Variants in DYM observed in about 807,000 individuals in gnomAD.
The protein encoded by DYM is dyggve-Melchior-Clausen syndrome protein.
A neutral mutation model predicts 93.1 loss-of-function variants in DYM; 78 were observed. The observed-to-expected ratio is 0.84, with a 90% CI of 0.70 to 1.01. The LOEUF is 1.01. Ranked by LOEUF, DYM falls within the 50% of genes least tolerant of loss-of-function variation. The pLI is 0.00. For missense variants in DYM, 789 were observed against 845.0 expected (o/e 0.93, Z 0.82); for synonymous variants, 321 against 319.7 (o/e 1.00, Z -0.04).
intron 17 of DYM, among the ~76,000 whole-genome samples, chr18:49,079,594 G>T (rs1266354391): frequency 2.6e-5 from 4 of 151,716 alleles, no homozygotes; most frequent in South Asian, 2.1e-4. Context: ...AGATTAGGGA[G>T]TGGTGATGAC....
intron 8 of DYM, among the ~76,000 whole-genome samples, chr18:49,310,341 A>C (rs2061515351): frequency 6.6e-6 from 1 of 152,242 alleles, no homozygotes; most frequent in Non-Finnish European, 1.5e-5. Flanking sequence ...TGAACTTAAA[A>C]GCTGAAGGAA....
rs139698976 is a variant in DYM at position 49,062,171 on chromosome 18, G to A, written c.2026-17967C>T. On this transcript the variant is annotated intron_variant, in intron 17 of 17. Coordinates refer to ENST00000675505, the MANE Select transcript of DYM (RefSeq NM_001353214.3). ...CCTTTATCTTCAAAGGTTAGAAAAC[G>A]GGGAGAGAGAGACTGGGAGAAAGTC... Among the ~76,000 whole-genome samples the A allele has an allele frequency of 7.5e-4, 114 of 152,278 alleles. 2 individuals are homozygous for A. The East Asian group carries it at 0.019, about 26-fold the overall frequency.
chr18:49,162,820 C>G (rs1048325034), intron 15 of DYM, among the ~76,000 whole-genome samples: 2 of 152,162 alleles, frequency 1.3e-5, no homozygotes, highest in Admixed American at 6.6e-5. Flanking sequence ...AAAGGCACTG[C>G]ACTCACAAGG....
intron 17 of DYM, among the ~76,000 whole-genome samples, chr18:49,066,242 T>C (rs1001974659): frequency 2.0e-5 from 3 of 152,128 alleles, no homozygotes; most frequent in Non-Finnish European, 4.4e-5. Flanking sequence ...TCCCTGGCCA[T>C]CACCACCCTG....
intron 13 of DYM, among the ~76,000 whole-genome samples, chr18:49,229,150 A>ATAAT (rs10673119): frequency 1 from 151,246 of 151,984 alleles, 75,261 homozygotes; most frequent in Middle Eastern, 1. Context: ...TATTAACCTA[A>ATAAT]TAATCTAATA....
chr18:49,163,981 A>G (rs1047342887), intron 14 of DYM, among the ~76,000 whole-genome samples, 194 bp from the exon 15 acceptor site: 3 of 152,200 alleles, frequency 2.0e-5, no homozygotes, highest in Non-Finnish European at 4.4e-5. Context: ...AGGATGTTTA[A>G]ATCATAAGAA....
intron 8 of DYM, among the ~76,000 whole-genome samples, chr18:49,331,164 G>C (rs1048417634): frequency 2.0e-5 from 3 of 152,172 alleles, no homozygotes; most frequent in Admixed American, 6.5e-5. Context: ...GGAGGAGTAA[G>C]GAACTCCCAG....
intron 14 of DYM, among the ~76,000 whole-genome samples, chr18:49,198,820 C>T (rs911937029): frequency 4.6e-5 from 7 of 151,872 alleles, no homozygotes; most frequent in East Asian, 1.9e-4. Context: ...GTCGGTGTGG[C>T]GATTCCTCAG....
chr18:49,099,301 A>T (rs2079884310), intron 16 of DYM, among the ~76,000 whole-genome samples: 1 of 152,134 alleles, frequency 6.6e-6, no homozygotes, highest in South Asian at 2.1e-4. Flanking sequence ...AGTAGTTCTC[A>T]AGCATGGCTG....
intron 8 of DYM, among the ~76,000 whole-genome samples, chr18:49,317,676 CCTTCCTTCCTTCCTTT>C (rs1440549054): frequency 1.3e-4 from 17 of 127,416 alleles, no homozygotes; most frequent in East Asian, 1.1e-3. Flanking sequence ...TTCCTTCCTT[CCTTCCTTCCTTCCTTT>C]CTTTCTTTCT....
At chr18:49,153,890 C>T (rs1250874367) in intron 15 of DYM, among the ~76,000 whole-genome samples, 3 of 152,028 alleles carry the variant, frequency 2.0e-5, no homozygotes, top group Non-Finnish European at 4.4e-5. Context: ...AAGTATCTCC[C>T]CAAAATATAT....
At chr18:49,277,943 C>A (rs1244384398) in intron 10 of DYM, among the ~76,000 whole-genome samples, 1 of 152,072 alleles carries the variant, frequency 6.6e-6, no homozygotes, top group Non-Finnish European at 1.5e-5. Context: ...ATGAAACATG[C>A]CCAGAGATTT....
At position 49,257,081 on chromosome 18, in the gene DYM, A is replaced by G. The variant is rs1250897235; in HGVS notation, c.1389T>C (p.Cys463=). The G allele has an allele frequency of 6.2e-7, 1 of 1,613,960 alleles. No homozygotes were observed. Among genetic ancestry groups the G allele is most frequent in the African/African-American group, 1.3e-5 (1 of 75,042 alleles). The part of the protein sequence containing the change: ...RTRDKYLHTN[C]LAALANMSAQ... ...CCGACATATTTGCTAAAGCTGCCAA[A>G]CAATTTGTGTGAAGGTACTTGTCCT... is the stretch of plus-strand genomic sequence containing the variant. The change falls in exon 13 of 18, where the codon TGT becomes TGC. Residue 463 remains cysteine, a synonymous_variant. Transcript: ENST00000675505.
At chr18:49,444,834 T>C (rs2081967130) in intron 1 of DYM, among the ~76,000 whole-genome samples, 1 of 152,180 alleles carries the variant, frequency 6.6e-6, no homozygotes, top group Admixed American at 6.5e-5. Flanking sequence ...ATTAAAACCA[T>C]ATGTTCACAG....
chr18:49,189,235 A>G (rs948069453), intron 14 of DYM, among the ~76,000 whole-genome samples: 5 of 152,228 alleles, frequency 3.3e-5, no homozygotes, highest in African/African-American at 4.8e-5. Flanking sequence ...GACGGGATCA[A>G]CAGAAGTCCA....
intron 8 of DYM, among the ~76,000 whole-genome samples, chr18:49,296,678 T>C (rs574263333): frequency 2.6e-5 from 4 of 152,350 alleles, no homozygotes; most frequent in African/African-American, 9.6e-5. Flanking sequence ...AATGTTTAGA[T>C]TCAACCAAGA....
rs1172887071 is a variant in DYM at position 49,081,553 on chromosome 18, AGGGG to A, written c.2025+15845_2025+15848del. Among the ~76,000 whole-genome samples, 130 of 53,678 alleles carry A rather than the reference AGGGG, an allele frequency of 2.4e-3. 4 individuals carry two copies. The highest frequency in any genetic ancestry group is 7.7e-3 in the African/African-American group (124 of 16,152). The allele number at this position is 53,678 out of a possible 152,430, so 35.2% of individuals were successfully genotyped here. On this transcript the variant is annotated intron_variant, in intron 17 of 17. Transcript: ENST00000675505. The stretch of plus-strand genomic sequence containing the variant: ...GGAGAGGGGAGAGGGGAGAGGGGAG[AGGGG>A]AGAGGGGAGAGGGGAGCTGTAGAGA...
chr18:49,091,927 T>C (rs1365557953), intron 17 of DYM, among the ~76,000 whole-genome samples: 2 of 152,064 alleles, frequency 1.3e-5, no homozygotes, highest in Non-Finnish European at 2.9e-5. Context: ...CACATTATTT[T>C]TAAAACTCTC....
chr18:49,343,409 C>T (rs1049654362), intron 6 of DYM, among the ~76,000 whole-genome samples: 1 of 152,212 alleles, frequency 6.6e-6, no homozygotes, highest in Non-Finnish European at 1.5e-5. Context: ...TCCCATCAAA[C>T]AGTAACAGGA....
Sources: gnomAD v4.1 joint callset for allele counts (sites outside exome capture counted in the v4.1 genomes callset) on GRCh38, gnomAD v4.1.1 for gene constraint, MANE v1.5 for transcripts, NCBI Gene and HGNC (gene_info 2026-07-23, HGNC 2026-07-21) for gene names.